EPHX2: variants seen among roughly 807,000 people sequenced by gnomAD.
EPHX2 encodes the protein epoxide hydrolase 2, also known as bifunctional epoxide hydrolase 2.
EPHX2 carries 74 observed loss-of-function variants against 78.7 expected under a neutral mutation model. That is an observed-to-expected ratio of 0.94 (90% CI 0.78 to 1.14). EPHX2 has a LOEUF of 1.14. Among genes scored for constraint, EPHX2 ranks in the 50% most tolerant of loss-of-function variants. The pLI is 0.00. For synonymous variants in EPHX2, 251 were observed against 255.2 expected (o/e 0.98, Z 0.16); for missense variants, 715 against 702.5 (o/e 1.02, Z -0.20).
In EPHX2 at chr8:27,543,746, C is replaced by G. The variant is rs369393116; in HGVS notation, c.1450-3C>G. The G allele has an allele frequency of 1.4e-5, 22 of 1,614,040 alleles. No individual in the cohort carries two copies. The African/African-American group carries it at 2.0e-4, about 15-fold the overall frequency. On this transcript the variant is annotated splice_polypyrimidine_tract_variant and splice_region_variant and intron_variant, in intron 16 of 18. Coordinates refer to ENST00000521400, the MANE Select transcript of EPHX2 (RefSeq NM_001979.6). The stretch of plus-strand genomic sequence containing the variant: ...CCACTTCTGTTTCCTGTTCTCCCCC[C>G]AGATCCTGATTCCGGCCCTGATGGT...
chr8:27,525,089 TGTGTGTGTGTGTGTGTGTGCGC>T (rs1563355192), intron 11 of EPHX2, among the ~76,000 whole-genome samples: 1 of 146,674 alleles, frequency 6.8e-6, no homozygotes, highest in African/African-American at 2.7e-5. Flanking sequence ...TGTGTGTGTG[TGTGTGTGTGTGTGTGTGTGCGC>T]GCGCGCGCGC....
At position 27,544,740 on chromosome 8, in the gene EPHX2, T is replaced by C; in HGVS notation, c.*218T>C. On this transcript the variant is annotated 3_prime_UTR_variant, in exon 19 of 19. Coordinates refer to ENST00000521400, the MANE Select transcript of EPHX2 (RefSeq NM_001979.6). ...TCAGGTGTGATTAGTTCTCCAGGCA[T>C]GAATGCATCGTCCCTTTATCTGTAA... The C allele has an allele frequency of 1.7e-6, 1 of 582,272 alleles. No individual in the cohort carries two copies. Among genetic ancestry groups the C allele is most frequent in the African/African-American group, 1.9e-5 (1 of 53,722 alleles). 36.1% of individuals were successfully genotyped at this position (582,272 alleles called of 1,614,324 possible).
At chr8:27,521,260 T>C (rs1311103391) in intron 10 of EPHX2, among the ~76,000 whole-genome samples, 1 of 152,222 alleles carries the variant, frequency 6.6e-6, no homozygotes, top group African/African-American at 2.4e-5. Flanking sequence ...CTGACACTCC[T>C]AAAACCTCCT....
chr8:27,547,907 A>G (rs544475479), downstream of EPHX2, among the ~76,000 whole-genome samples: 7 of 152,192 alleles, frequency 4.6e-5, no homozygotes, highest in Non-Finnish European at 1.0e-4. Context: ...TTGTGGCTGA[A>G]TAGTAAAAAT....
At chr8:27,503,795 G>T (rs762916759) in intron 3 of EPHX2, 32 bp downstream of exon 3, 1 of 1,589,940 alleles carries the variant, frequency 6.3e-7, no homozygotes, top group Non-Finnish European at 8.5e-7. Flanking sequence ...ATCTCAGGCC[G>T]AACCACCCAG....
At chr8:27,548,184 G>A (rs1038727660), downstream of EPHX2, among the ~76,000 whole-genome samples, 2 of 152,166 alleles carry the variant, frequency 1.3e-5, no homozygotes, top group African/African-American at 4.8e-5. Flanking sequence ...GACTAGACAG[G>A]ACAAAAAGCT....
chr8:27,510,266 T>C (rs1442893850), intron 5 of EPHX2, among the ~76,000 whole-genome samples: 2 of 152,220 alleles, frequency 1.3e-5, no homozygotes, highest in Non-Finnish European at 2.9e-5. Flanking sequence ...AATCCAGCAG[T>C]AGGATTCACA....
chr8:27,494,035 G>A (rs1379660103), intron 1 of EPHX2, among the ~76,000 whole-genome samples: 1 of 152,170 alleles, frequency 6.6e-6, no homozygotes, highest in African/African-American at 2.4e-5. Flanking sequence ...CATGCAGGGA[G>A]TATGTTTGCC....
At position 27,525,493 on chromosome 8, in the gene EPHX2, C is replaced by G. The variant is rs1814812259; in HGVS notation, c.1170+20C>G. 6.3e-7 allele frequency: 1 copy of G among 1,580,760 alleles called. No individual in the cohort carries two copies. The highest frequency in any genetic ancestry group is 1.1e-5 in the South Asian group (1 of 90,398). ...GAACCAGTAAGTATGGCACCAAGGG[C>G]AACAATGGGAGCATTAGTGTTTGCC... On this transcript the variant is annotated intron_variant, in intron 12 of 18. Transcript: ENST00000521400.
At position 27,544,599 on chromosome 8, in the gene EPHX2, G is replaced by A. The variant is rs1043776545; in HGVS notation, c.*77G>A. 2.7e-6 allele frequency: 4 copies of A among 1,465,648 alleles called. No individual in the cohort carries two copies. The highest frequency in any genetic ancestry group is 1.1e-5 in the South Asian group (1 of 87,964). 90.8% of individuals were successfully genotyped at this position (1,465,648 alleles called of 1,614,324 possible). On this transcript the variant is annotated 3_prime_UTR_variant, in exon 19 of 19. Coordinates refer to ENST00000521400, the MANE Select transcript of EPHX2 (RefSeq NM_001979.6). ...GGCACCATTCTTAGTATACAGAGGT[G>A]GCCTTACACACATCTTGCATGGATG...
intron 2 of EPHX2, 140 bp from the exon 3 acceptor site, chr8:27,503,464 A>G: frequency 9.9e-7 from 1 of 1,012,954 alleles, no homozygotes; most frequent in South Asian, 1.7e-5. Context: ...CTTGGAGAAC[A>G]TATGTTGGCA....
intron 17 of EPHX2, 89 bp downstream of exon 17, chr8:27,543,918 C>A: frequency 7.3e-7 from 1 of 1,368,778 alleles, no homozygotes; most frequent in Non-Finnish European, 1.0e-6. Flanking sequence ...GAAGATACAC[C>A]TTGTCATGTG....
downstream of EPHX2, among the ~76,000 whole-genome samples, chr8:27,547,925 T>C (rs915965648): frequency 3.3e-5 from 5 of 152,218 alleles, no homozygotes; most frequent in African/African-American, 1.2e-4. Context: ...AATATGTTAT[T>C]TTTATTTCAT....
intron 10 of EPHX2, among the ~76,000 whole-genome samples, chr8:27,521,948 CGTT>C (rs1334291035): frequency 1.3e-5 from 2 of 152,064 alleles, no homozygotes; most frequent in Non-Finnish European, 2.9e-5. Flanking sequence ...GGGGAGTTGA[CGTT>C]GTCATTTTCA....
Position 27,501,324 on chromosome 8 carries a change from T to TTTCTCCTTC in EPHX2, c.186+318_186+319insCCTTCTTCT, listed in dbSNP as rs1813761926. Among the ~76,000 whole-genome samples, 10 of 103,012 alleles carry TTTCTCCTTC rather than the reference T, an allele frequency of 9.7e-5. No homozygotes were observed. The South Asian group carries it at 2.3e-3, about 24-fold the overall frequency. The allele number at this position is 103,012 out of a possible 152,430, so 67.6% of individuals were successfully genotyped here. A position where few individuals can be genotyped will look rare whatever the true frequency, so the allele number is the denominator to read the frequency against. ...TAAGAAAGAGGGAAATGCTATATAT[T>TTTCTCCTTC]TTCTTCTTCTTCTTCTTCTTCTTCT... On this transcript the variant is annotated intron_variant, in intron 2 of 18. Coordinates refer to ENST00000521400, the MANE Select transcript of EPHX2 (RefSeq NM_001979.6).
chr8:27,537,813 C>A (rs1815261244), intron 13 of EPHX2, among the ~76,000 whole-genome samples: 1 of 152,052 alleles, frequency 6.6e-6, no homozygotes, highest in Non-Finnish European at 1.5e-5. Flanking sequence ...TTTGGGGAGT[C>A]GTATTTACTG....
rs1390923808 is a variant in EPHX2 at position 27,515,711 on chromosome 8, TC to T, written c.736-5del. On this transcript the variant is annotated splice_polypyrimidine_tract_variant and splice_region_variant and intron_variant, in intron 6 of 18. Transcript: ENST00000521400. ...GGTCGCTGCCCTCTCCTCTTTCCCT[TC>T]CACAGCCCAGGGTCCGTCTGCATTT... 1.2e-6 allele frequency: 2 copies of T among 1,613,364 alleles called. No individual in the cohort carries two copies. The highest frequency in any genetic ancestry group is 1.7e-6 in the Non-Finnish European group (2 of 1,179,824).
At position 27,503,070 on chromosome 8, in the gene EPHX2, T is replaced by G. The variant is rs545402896; in HGVS notation, c.187-534T>G. On this transcript the variant is annotated intron_variant, in intron 2 of 18. Coordinates refer to ENST00000521400, the MANE Select transcript of EPHX2 (RefSeq NM_001979.6). ...TAATTGGGTCATGAGGGTGGAACCC[T>G]CAGGAGTGAGATCAGTGCACTTATA... Among the ~76,000 whole-genome samples, 42 of 152,224 alleles carry G rather than the reference T, an allele frequency of 2.8e-4. No individual in the cohort carries two copies. The South Asian group carries it at 8.5e-3, about 31-fold the overall frequency.
intron 14 of EPHX2, among the ~76,000 whole-genome samples, chr8:27,540,063 C>T (rs1333814256): frequency 1.3e-5 from 2 of 152,170 alleles, no homozygotes; most frequent in Non-Finnish European, 1.5e-5. Flanking sequence ...AGGGTCTGTG[C>T]GGCACGTGGG....
Sources: gnomAD v4.1 joint callset for allele counts (sites outside exome capture counted in the v4.1 genomes callset) on GRCh38, gnomAD v4.1.1 for gene constraint, MANE v1.5 for transcripts, NCBI Gene and HGNC (gene_info 2026-07-23, HGNC 2026-07-21) for gene names.